SDK1: variants seen among roughly 807,000 people sequenced by gnomAD.
SDK1 encodes sidekick cell adhesion molecule 1.
A neutral mutation model predicts 245.5 loss-of-function variants in SDK1; 157 were observed. The ratio of observed to expected loss-of-function variants is 0.64; its 90% confidence interval spans 0.56 to 0.73. The LOEUF (loss-of-function observed/expected upper bound fraction) is 0.73, where lower values mean the gene tolerates loss of function less well. Ranked by LOEUF, SDK1 falls within the 30% of genes least tolerant of loss-of-function variation. The probability of loss-of-function intolerance (pLI) is 0.00; values close to 1 mark genes in which losing one functional copy is unlikely to be tolerated. For missense variants in SDK1, 3,583 were observed against 3,002.3 expected (o/e 1.19, Z -4.52); for synonymous variants, 1,647 against 1,278.5 (o/e 1.29, Z -6.15).
In SDK1 at chr7:3,952,797, C is replaced by G. The variant is rs370024032; in HGVS notation, c.1150+877C>G. Among the ~76,000 whole-genome samples the G allele has an allele frequency of 3.3e-5, 5 of 152,002 alleles. No individual in the cohort carries two copies. The South Asian group carries it at 8.3e-4, about 25-fold the overall frequency. ...TTAAGTACACTGGAGTTGCCCAGCT[C>G]TAAATGCTGGAAACTATTAGTGTTT... On this transcript the variant is annotated intron_variant, in intron 7 of 44. Transcript: ENST00000404826.
intron 4 of SDK1, among the ~76,000 whole-genome samples, chr7:3,805,807 A>T (rs576107903): frequency 2.6e-5 from 4 of 152,206 alleles, no homozygotes; most frequent in Non-Finnish European, 5.9e-5. Context: ...TGTCAAGGCA[A>T]TTCAGATCAT....
At chr7:4,029,814 C>T (rs1481783850) in intron 17 of SDK1, among the ~76,000 whole-genome samples, 16 of 152,162 alleles carry the variant, frequency 1.1e-4, no homozygotes, top group Non-Finnish European at 2.9e-5. Flanking sequence ...GGGGGTAATT[C>T]ATCGATTCTG....
chr7:4,061,827 T>C (rs1779561423), intron 19 of SDK1, among the ~76,000 whole-genome samples: 1 of 151,864 alleles, frequency 6.6e-6, no homozygotes, highest in Non-Finnish European at 1.5e-5. Context: ...TTCATGTCCT[T>C]TGTAGGGACA....
chr7:3,534,085 T>C (rs1478130803), intron 1 of SDK1, among the ~76,000 whole-genome samples: 1 of 152,202 alleles, frequency 6.6e-6, no homozygotes, highest in East Asian at 1.9e-4. Flanking sequence ...TGCCCGACAT[T>C]GTTCTGTTCT....
chr7:3,798,465 C>A (rs1044942767), intron 4 of SDK1, among the ~76,000 whole-genome samples: 1 of 152,138 alleles, frequency 6.6e-6, no homozygotes. Flanking sequence ...GATCCACCCA[C>A]CTTGGCCTCC....
intron 1 of SDK1, among the ~76,000 whole-genome samples, chr7:3,591,963 ATACAGATGACAAACAAGGC>A (rs1487213053): frequency 6.6e-6 from 1 of 152,240 alleles, no homozygotes; most frequent in Non-Finnish European, 1.5e-5. Flanking sequence ...AGATGCCCGG[ATACAGATGACAAACAAGGC>A]TACAGATAGT....
intron 1 of SDK1, among the ~76,000 whole-genome samples, chr7:3,347,916 A>G (rs59021191): frequency 0.1 from 15,677 of 151,274 alleles, 1,018 homozygotes; most frequent in African/African-American, 0.18. Flanking sequence ...CCTTTTGTGT[A>G]GTAAGTCTCT....
At position 3,330,435 on chromosome 7, in the gene SDK1, G is replaced by T. The variant is rs1780038803; in HGVS notation, c.298+28551G>T. Reference sequence around the variant, plus strand: ...CAAATTCATATGTTGATTGGAGGTGGGCCTGTGGGAGGTAATTAGGATTAG... The same window carrying T: ...CAAATTCATATGTTGATTGGAGGTGTGCCTGTGGGAGGTAATTAGGATTAG... On this transcript the variant is annotated intron_variant, in intron 1 of 44. Coordinates refer to ENST00000404826, the MANE Select transcript of SDK1 (RefSeq NM_152744.4). Among the ~76,000 whole-genome samples, 8 of 152,230 alleles carry T rather than the reference G, an allele frequency of 5.3e-5. No homozygotes were observed. In the South Asian group the frequency reaches 1.7e-3, roughly 32 times the overall value.
intron 1 of SDK1, among the ~76,000 whole-genome samples, chr7:3,371,871 C>T (rs973606569): frequency 3.9e-5 from 6 of 152,080 alleles, no homozygotes; most frequent in Admixed American, 2.6e-4. Flanking sequence ...CCAAAATTAA[C>T]GAACAGAGGT....
At chr7:3,346,928 C>T (rs1326476707) in intron 1 of SDK1, among the ~76,000 whole-genome samples, 2 of 144,056 alleles carry the variant, frequency 1.4e-5, no homozygotes, top group Admixed American at 1.4e-4. Flanking sequence ...GATTCTGCCT[C>T]CCAAAGTGCT....
intron 5 of SDK1, among the ~76,000 whole-genome samples, chr7:3,859,605 A>C (rs2115115729): frequency 6.6e-6 from 1 of 152,272 alleles, no homozygotes; most frequent in South Asian, 2.1e-4. Flanking sequence ...GCATCCTGTT[A>C]CATTATCAAC....
intron 40 of SDK1, 95 bp downstream of exon 40, chr7:4,221,459 AT>A (rs909118092): frequency 3.7e-5 from 54 of 1,441,800 alleles, no homozygotes; most frequent in Non-Finnish European, 4.9e-5. Context: ...CTCTTTCAGC[AT>A]TTTCCCCCCA....
intron 1 of SDK1, among the ~76,000 whole-genome samples, chr7:3,590,378 A>T (rs559178179): frequency 6.9e-6 from 1 of 144,626 alleles, no homozygotes; most frequent in African/African-American, 2.6e-5. Flanking sequence ...AAGACAAATT[A>T]TGGATAAATT....
At chr7:3,906,626 T>G (rs1366829734) in intron 5 of SDK1, among the ~76,000 whole-genome samples, 1 of 132,404 alleles carries the variant, frequency 7.6e-6, no homozygotes, top group African/African-American at 2.9e-5. Context: ...TCTTTTTTTT[T>G]TTTTTTTTTT....
intron 1 of SDK1, among the ~76,000 whole-genome samples, chr7:3,474,797 C>A (rs1005733573): frequency 6.6e-6 from 1 of 152,254 alleles, no homozygotes; most frequent in East Asian, 1.9e-4. Flanking sequence ...TTCAAGCGAT[C>A]TTCCTACCAC....
In SDK1 at chr7:3,899,716, T is replaced by A. The variant is rs572428904; in HGVS notation, c.848-51207T>A. Among the ~76,000 whole-genome samples the A allele has an allele frequency of 2.6e-5, 4 of 152,328 alleles. No homozygotes were observed. The East Asian group carries it at 7.7e-4, about 29-fold the overall frequency. ...GTGGAAGCACCTCCTCTGTCGGCCA[T>A]CAGCATGTGGGCCATGCTGCATCTC... On this transcript the variant is annotated intron_variant, in intron 5 of 44. Coordinates refer to ENST00000404826, the MANE Select transcript of SDK1 (RefSeq NM_152744.4).
intron 4 of SDK1, among the ~76,000 whole-genome samples, chr7:3,722,938 C>G (rs1778865277): frequency 6.6e-6 from 1 of 152,230 alleles, no homozygotes; most frequent in Non-Finnish European, 1.5e-5. Flanking sequence ...TGTTTGTAAA[C>G]TCCTTTCACC....
chr7:3,745,182 A>G (rs894513041), intron 4 of SDK1, among the ~76,000 whole-genome samples: 11 of 152,220 alleles, frequency 7.2e-5, no homozygotes, highest in African/African-American at 2.7e-4. Flanking sequence ...TGGTATCTCA[A>G]AGTCACTTAG....
At chr7:3,874,971 A>T (rs1781039458) in intron 5 of SDK1, among the ~76,000 whole-genome samples, 1 of 152,104 alleles carries the variant, frequency 6.6e-6, no homozygotes, top group African/African-American at 2.4e-5. Flanking sequence ...AGCACCCTTT[A>T]GGGTTCCTGG....
Sources: allele counts gnomAD v4.1 joint callset (sites outside exome capture counted in the v4.1 genomes callset), GRCh38; gene constraint gnomAD v4.1.1; transcripts MANE v1.5; gene names NCBI Gene and HGNC (gene_info 2026-07-23, HGNC 2026-07-21).